AGBL4: variants seen among roughly 807,000 people sequenced by gnomAD.
AGBL4 encodes the protein cytosolic carboxypeptidase 6.
AGBL4 carries 58 observed loss-of-function variants against 66.4 expected under a neutral mutation model. That is an observed-to-expected ratio of 0.87 (90% confidence interval 0.71 to 1.09). The LOEUF is 1.09. Among genes scored for constraint, AGBL4 ranks in the 50% least tolerant of loss-of-function variants. AGBL4 has a pLI of 0.00. For missense variants in AGBL4, 579 were observed against 631.0 expected (o/e 0.92, Z 0.88); for synonymous variants, 234 against 222.9 (o/e 1.05, Z -0.44).
chr1:49,968,228 A>AC (rs1282193256), intron 1 of AGBL4, among the ~76,000 whole-genome samples: 1 of 152,018 alleles, frequency 6.6e-6, no homozygotes, highest in Non-Finnish European at 1.5e-5. Context: ...TCAAAAAAAA[A>AC]AAAAAATCAG....
At chr1:49,143,289 T>A (rs1646153660) in intron 4 of AGBL4, among the ~76,000 whole-genome samples, 1 of 152,184 alleles carries the variant, frequency 6.6e-6, no homozygotes, top group Non-Finnish European at 1.5e-5. Flanking sequence ...GCCTTCCTGC[T>A]CCTGAACAGC....
chr1:48,708,126 A>C (rs1043664145), intron 6 of AGBL4, among the ~76,000 whole-genome samples: 7 of 152,222 alleles, frequency 4.6e-5, no homozygotes, highest in African/African-American at 1.7e-4. Flanking sequence ...GATAAAAATC[A>C]CACATTTGTG....
chr1:49,377,647 C>T lies in AGBL4; in HGVS notation c.283-131783G>A, dbSNP rs969823718. On this transcript the variant is annotated intron_variant, in intron 3 of 13. Transcript: ENST00000371839. ...GAGAAGATACAAGACTCCTGGGTCA[C>T]AAAAGACTTATAGCAATAGCAGTAG... Among the ~76,000 whole-genome samples, 5 of 151,998 alleles carry T rather than the reference C, an allele frequency of 3.3e-5. No homozygotes were observed. The East Asian group carries it at 9.6e-4, about 29-fold the overall frequency.
intron 1 of AGBL4, among the ~76,000 whole-genome samples, chr1:49,871,554 C>T (rs1010261196): frequency 2.0e-5 from 3 of 151,986 alleles, no homozygotes; most frequent in Admixed American, 6.6e-5. Flanking sequence ...TCCTTTGGTA[C>T]TCATTAAGTT....
intron 1 of AGBL4, among the ~76,000 whole-genome samples, chr1:49,874,397 A>C (rs1646919621): frequency 1.3e-5 from 2 of 152,112 alleles, no homozygotes; most frequent in African/African-American, 4.8e-5. Context: ...ACACATCTTG[A>C]TTATAGTGAA....
At chr1:49,884,425 G>A (rs1647788671) in intron 1 of AGBL4, among the ~76,000 whole-genome samples, 1 of 151,760 alleles carries the variant, frequency 6.6e-6, no homozygotes, top group Admixed American at 6.6e-5. Context: ...TAAAGAAAAT[G>A]TATTTAGTGA....
In AGBL4 at chr1:49,144,637, T is replaced by C. The variant is rs190873616; in HGVS notation, c.378-98837A>G. On this transcript the variant is annotated intron_variant, in intron 4 of 13. Transcript: ENST00000371839. ...CCTGATATGGATGAGACATAGTCCT[T>C]ACTTCAAGGACTAAACTGAGACAGA... Among the ~76,000 whole-genome samples the C allele has an allele frequency of 4.3e-4, 66 of 152,194 alleles. 1 individual carries two copies. The highest frequency in any genetic ancestry group is 1.5e-3 in the African/African-American group (61 of 41,518).
At chr1:48,834,224 T>C (rs765229715) in intron 6 of AGBL4, among the ~76,000 whole-genome samples, 9 of 152,200 alleles carry the variant, frequency 5.9e-5, no homozygotes, top group Non-Finnish European at 8.8e-5. Flanking sequence ...TGCCTAAGGA[T>C]AAATTGTATT....
chr1:49,533,411 T>A (rs1651300947), intron 3 of AGBL4, among the ~76,000 whole-genome samples: 1 of 152,166 alleles, frequency 6.6e-6, no homozygotes, highest in Non-Finnish European at 1.5e-5. Flanking sequence ...CAAAAGATGA[T>A]CTTTTTCCAG....
intron 6 of AGBL4, among the ~76,000 whole-genome samples, chr1:48,798,407 T>C (rs1057299270): frequency 6.6e-6 from 1 of 152,206 alleles, no homozygotes; most frequent in Non-Finnish European, 1.5e-5. Context: ...TTTGTGAAGA[T>C]TTTCTCCCAC....
intron 2 of AGBL4, among the ~76,000 whole-genome samples, chr1:49,708,421 C>A (rs987719884): frequency 2.6e-5 from 4 of 152,010 alleles, no homozygotes; most frequent in Non-Finnish European, 5.9e-5. Context: ...TTATGTTCTT[C>A]TCTAAACTGG....
intron 3 of AGBL4, among the ~76,000 whole-genome samples, chr1:49,656,280 C>G (rs575438658): frequency 1.3e-4 from 20 of 152,146 alleles, no homozygotes; most frequent in African/African-American, 4.8e-4. Flanking sequence ...TTCCTCGACA[C>G]ATACACCCTC....
chr1:49,104,858 A>G (rs1448285493), intron 4 of AGBL4, among the ~76,000 whole-genome samples: 2 of 152,294 alleles, frequency 1.3e-5, no homozygotes, highest in South Asian at 2.1e-4. Flanking sequence ...TATTATTTGC[A>G]TAGAAAAGGC....
intron 6 of AGBL4, among the ~76,000 whole-genome samples, chr1:48,795,747 G>A (rs1645660455): frequency 6.6e-6 from 1 of 152,152 alleles, no homozygotes; most frequent in African/African-American, 2.4e-5. Flanking sequence ...CCGCCTCCTG[G>A]GTTCAAGCGA....
intron 9 of AGBL4, among the ~76,000 whole-genome samples, chr1:48,631,683 C>T (rs908823820): frequency 2.0e-5 from 3 of 152,114 alleles, no homozygotes; most frequent in Non-Finnish European, 4.4e-5. Flanking sequence ...GGTGAGCCAC[C>T]GCATCTGGCC....
chr1:48,797,466 A>G (rs1645711822), intron 6 of AGBL4, among the ~76,000 whole-genome samples: 1 of 152,176 alleles, frequency 6.6e-6, no homozygotes, highest in South Asian at 2.1e-4. Flanking sequence ...GTGAGAACAT[A>G]CAATGTTTGA....
chr1:49,614,063 A>C (rs1300592160), intron 3 of AGBL4, among the ~76,000 whole-genome samples: 1 of 152,166 alleles, frequency 6.6e-6, no homozygotes, highest in East Asian at 1.9e-4. Flanking sequence ...ATTTGGTAAA[A>C]CTTGTATTAA....
At chr1:48,633,192 G>A (rs1024083462) in intron 9 of AGBL4, among the ~76,000 whole-genome samples, 1 of 152,196 alleles carries the variant, frequency 6.6e-6, no homozygotes, top group African/African-American at 2.4e-5. Context: ...TAACAGTTGA[G>A]TTTCATAGCC....
At chr1:49,540,423 T>G (rs1355112954) in intron 3 of AGBL4, among the ~76,000 whole-genome samples, 5 of 152,226 alleles carry the variant, frequency 3.3e-5, no homozygotes, top group African/African-American at 1.2e-4. Context: ...GTTACAGTAC[T>G]TGGCATTTTT....
Sources: allele counts gnomAD v4.1 joint callset (sites outside exome capture counted in the v4.1 genomes callset), GRCh38; gene constraint gnomAD v4.1.1; transcripts MANE v1.5; gene names NCBI Gene and HGNC (gene_info 2026-07-23, HGNC 2026-07-21).